HNF4G: variants seen among roughly 807,000 people sequenced by gnomAD.
HNF4G encodes the protein hepatocyte nuclear factor 4-gamma.
HNF4G carries 21 observed loss-of-function variants against 50.9 expected under a neutral mutation model. The ratio of observed to expected loss-of-function variants is 0.41; its 90% CI spans 0.29 to 0.59. The LOEUF is 0.59. Among genes scored for constraint, HNF4G ranks in the 20% least tolerant of loss-of-function variants. The pLI is 0.26. For synonymous variants in HNF4G, 198 were observed against 185.6 expected (o/e 1.07, Z -0.54); for missense variants, 527 against 559.4 (o/e 0.94, Z 0.58).
At chr8:75,424,545 C>T (rs1261905816) in intron 1 of HNF4G, among the ~76,000 whole-genome samples, 1 of 152,144 alleles carries the variant, frequency 6.6e-6, no homozygotes, top group Admixed American at 6.5e-5. Flanking sequence ...TTCTCTCCCT[C>T]CCACCTTTTG....
chr8:75,421,009 TTAGTTCTCTTA>T (rs1185823844), intron 1 of HNF4G, among the ~76,000 whole-genome samples: 1 of 152,228 alleles, frequency 6.6e-6, no homozygotes, highest in Non-Finnish European at 1.5e-5. Context: ...ATGTGTACTT[TTAGTTCTCTTA>T]TAGCCACATC....
chr8:75,492,321 A>C (rs540328681), intron 2 of HNF4G, among the ~76,000 whole-genome samples: 3 of 152,314 alleles, frequency 2.0e-5, no homozygotes, highest in Admixed American at 6.5e-5. Flanking sequence ...GATCAGATAG[A>C]GTGCTCTCTG....
Position 75,437,493 on chromosome 8 carries a change from G to A in HNF4G, c.-144+29331G>A, listed in dbSNP as rs1811165436. 2.6e-5 allele frequency among the ~76,000 whole-genome samples: 4 copies of A among 152,108 alleles called. No homozygotes were observed. The South Asian group carries it at 8.3e-4, about 32-fold the overall frequency. On this transcript the variant is annotated intron_variant, in intron 1 of 10. Coordinates refer to the HNF4G transcript ENST00000354370. ...AGTTCCACTGCTAAGTATATGTCGGGGCAAGGGGCCTTAAACTATCTAGGA... is the reference window on the plus strand; with the variant it reads ...AGTTCCACTGCTAAGTATATGTCGGAGCAAGGGGCCTTAAACTATCTAGGA...
intron 1 of HNF4G, among the ~76,000 whole-genome samples, chr8:75,433,335 A>G (rs1811058722): frequency 6.7e-6 from 1 of 150,164 alleles, no homozygotes; most frequent in Non-Finnish European, 1.5e-5. Context: ...TGAGCCCAAG[A>G]TTTTGAGAGT....
At chr8:75,415,618 T>C (rs1359845571) in intron 1 of HNF4G, among the ~76,000 whole-genome samples, 1 of 152,244 alleles carries the variant, frequency 6.6e-6, no homozygotes, top group Non-Finnish European at 1.5e-5. Context: ...AGTGTTTTTA[T>C]ATACACGGTC....
intron 1 of HNF4G, among the ~76,000 whole-genome samples, chr8:75,438,279 T>C (rs970771315): frequency 2.6e-5 from 4 of 152,194 alleles, no homozygotes; most frequent in African/African-American, 9.6e-5. Context: ...TCCCTATTTG[T>C]CTCTTCTTAT....
At chr8:75,473,866 A>G (rs911418343) in intron 1 of HNF4G, among the ~76,000 whole-genome samples, 1 of 152,202 alleles carries the variant, frequency 6.6e-6, no homozygotes, top group Non-Finnish European at 1.5e-5. Flanking sequence ...AGGTTAAAAA[A>G]AAAAAGTGAA....
chr8:75,427,016 T>C (rs2130506817), intron 1 of HNF4G, among the ~76,000 whole-genome samples: 1 of 152,308 alleles, frequency 6.6e-6, no homozygotes, highest in South Asian at 2.1e-4. Flanking sequence ...TTTTAAGTGG[T>C]TTTAGTTTTG....
rs1411659750 is a variant in HNF4G, at chr8:75,463,449, T to C, written c.-143-26640T>C. On this transcript the variant is annotated intron_variant, in intron 1 of 10. Coordinates refer to the HNF4G transcript ENST00000354370. ...TGCTTGTCAACTTTTTAAACAATTG[T>C]TGACTCCTGATTTGAAAGGCTAGGA... Among the ~76,000 whole-genome samples, 6 of 152,188 alleles carry C rather than the reference T, an allele frequency of 3.9e-5. No individual in the cohort carries two copies. The East Asian group carries it at 9.6e-4, about 24-fold the overall frequency.
intron 1 of HNF4G, among the ~76,000 whole-genome samples, chr8:75,442,887 CCATGACTGGAAAG>C (rs201694143): frequency 0.011 from 1,724 of 152,218 alleles, 14 homozygotes; most frequent in Non-Finnish European, 0.017. Context: ...GATCAGATGA[CCATGACTGGAAAG>C]CATGACAGAG....
intron 1 of HNF4G, among the ~76,000 whole-genome samples, chr8:75,453,547 C>T (rs1277142248): frequency 6.8e-6 from 1 of 146,888 alleles, no homozygotes; most frequent in Non-Finnish European, 1.5e-5. Flanking sequence ...GCTAGGGTTC[C>T]TTTCCATGCT....
At chr8:75,504,402 A>G (rs1022944172) in intron 2 of HNF4G, among the ~76,000 whole-genome samples, 7 of 152,178 alleles carry the variant, frequency 4.6e-5, no homozygotes, top group Admixed American at 1.3e-4. Flanking sequence ...CTAAATCTCA[A>G]GAAAGACATG....
chr8:75,416,045 A>G (rs539465005), intron 1 of HNF4G, among the ~76,000 whole-genome samples: 1 of 152,168 alleles, frequency 6.6e-6, no homozygotes, highest in Non-Finnish European at 1.5e-5. Flanking sequence ...AATTTTTTTT[A>G]GTTGTCTTTT....
chr8:75,547,576 TTA>T lies in HNF4G; in HGVS notation c.288-9_288-8del. On this transcript the variant is annotated splice_polypyrimidine_tract_variant and intron_variant, in intron 2 of 9. Transcript: ENST00000396423. ...TAGTTTTCTGCAAACTGATATATCTTTATGTTATAGGTTCAGTCGGCAATGTG... is the reference window on the plus strand; with the variant it reads ...TAGTTTTCTGCAAACTGATATATCTTTGTTATAGGTTCAGTCGGCAATGTG... The T allele has an allele frequency of 1.3e-6, 2 of 1,563,824 alleles. No individual in the cohort carries two copies. Among genetic ancestry groups the T allele is most frequent in the South Asian group, 2.2e-5 (2 of 89,854 alleles).
chr8:75,520,573 G>A (rs1026453912), intron 2 of HNF4G, among the ~76,000 whole-genome samples: 1 of 151,940 alleles, frequency 6.6e-6, no homozygotes, highest in African/African-American at 2.4e-5. Context: ...GAGTAGCTGG[G>A]ACTGCAGGTG....
chr8:75,434,984 C>G (rs552017801), intron 1 of HNF4G, among the ~76,000 whole-genome samples: 2 of 152,240 alleles, frequency 1.3e-5, no homozygotes, highest in South Asian at 4.1e-4. Flanking sequence ...ATCTATCTAA[C>G]AGTTAAGGAA....
rs59049172 is a variant in HNF4G at position 75,475,324 on chromosome 8, A to T, written c.-143-14765A>T. Among the ~76,000 whole-genome samples, 1,319 of 152,322 alleles carry T rather than the reference A, an allele frequency of 8.7e-3. 15 individuals carry two copies. The highest frequency in any genetic ancestry group is 0.03 in the African/African-American group (1,249 of 41,568). On this transcript the variant is annotated intron_variant, in intron 1 of 10. Transcript: ENST00000354370. ...TGCCTGGCCAAATAATTATTTTTTAAAAAAACCATGGCTTAAGTTATTTAT... is the reference window on the plus strand; with the variant it reads ...TGCCTGGCCAAATAATTATTTTTTATAAAAACCATGGCTTAAGTTATTTAT...
At chr8:75,545,408 A>C (rs867453890) in intron 2 of HNF4G, among the ~76,000 whole-genome samples, 7 of 152,122 alleles carry the variant, frequency 4.6e-5, no homozygotes, top group South Asian at 2.1e-4. Context: ...GAGGTTTAAA[A>C]AATATTCTAA....
At chr8:75,513,688 T>C (rs972677017) in intron 2 of HNF4G, among the ~76,000 whole-genome samples, 1 of 152,090 alleles carries the variant, frequency 6.6e-6, no homozygotes. Context: ...TTTTAAATTG[T>C]ACTTGAGACT....
Sources: gnomAD v4.1 joint callset for allele counts (sites outside exome capture counted in the v4.1 genomes callset) on GRCh38, gnomAD v4.1.1 for gene constraint, MANE v1.5 for transcripts, NCBI Gene and HGNC (gene_info 2026-07-23, HGNC 2026-07-21) for gene names.